RXRB: variants seen among roughly 807,000 people sequenced by gnomAD.
RXRB encodes the protein retinoid X receptor beta, also known as retinoic acid receptor RXR-beta.
Under a neutral mutation model 52.5 loss-of-function variants are expected in RXRB, and 18 were observed. The observed-to-expected ratio is 0.34, with a 90% CI of 0.24 to 0.51. The LOEUF (loss-of-function observed/expected upper bound fraction) is 0.51, where lower values mean the gene tolerates loss of function less well. Among genes scored for constraint, RXRB ranks in the 20% least tolerant of loss-of-function variants. The pLI is 0.97. For synonymous variants in RXRB, 233 were observed against 267.1 expected (o/e 0.87, Z 1.25); for missense variants, 455 against 698.2 (o/e 0.65, Z 3.92).
At position 33,194,583 on chromosome 6, in the gene RXRB, A is replaced by G; in HGVS notation, c.*99T>C. 5.4e-6 allele frequency: 7 copies of G among 1,303,244 alleles called. No homozygotes were observed. The highest frequency in any genetic ancestry group is 7.4e-6 in the Non-Finnish European group (7 of 946,508). 80.7% of individuals were successfully genotyped at this position (1,303,244 alleles called of 1,614,324 possible). A position where few individuals can be genotyped will look rare whatever the true frequency, so the allele number is the denominator to read the frequency against. ...CTGCCCTGTACTTCTCACCCCATCA[A>G]GGTTCTGGGAACATGGCCCCCCACC... On this transcript the variant is annotated 3_prime_UTR_variant, in exon 10 of 10. Transcript: ENST00000374680. The surrounding 1 kb of genome is among the most constrained non-coding windows in gnomAD (Gnocchi z 4.1).
chr6:33,198,258 T>C (rs1294649703), intron 3 of RXRB, 50 bp downstream of exon 3: 4 of 1,611,568 alleles, frequency 2.5e-6, no homozygotes, highest in Middle Eastern at 1.7e-4. Flanking sequence ...CCACAGGTGA[T>C]GATACATGGC....
At position 33,199,183 on chromosome 6, in the gene RXRB, C is replaced by T; in HGVS notation, c.469G>A (p.Val157Ile). The T allele has an allele frequency of 7.7e-7, 1 of 1,297,360 alleles. No homozygotes were observed. Among genetic ancestry groups the T allele is most frequent in the Admixed American group, 3.3e-5 (1 of 30,266 alleles). 80.4% of individuals were successfully genotyped at this position (1,297,360 alleles called of 1,614,324 possible). A position where few individuals can be genotyped will look rare whatever the true frequency, so the allele number is the denominator to read the frequency against. ...PPAPPGFSGP[V>I]SSPQINSTVS... ...CAACCTCTCACCTGGGGGCTGCTGA[C>T]AGGCCCGGAGAATCCTGGGGGAGCT... is the stretch of plus-strand genomic sequence containing the variant. Residue 157 changes from valine (V) to isoleucine (I), a missense_variant, in exon 2 of 10, where the codon GTC becomes ATC. This residue lies in a region of RXRB where 225 missense variants were observed against 258.6 expected (regional missense o/e 0.87). Coordinates refer to ENST00000374680, the MANE Select transcript of RXRB (RefSeq NM_021976.5).
chr6:33,200,164 G>T lies in RXRB; in HGVS notation c.235+78C>A. ...AGGGGGCGGGAGCGCAAGGAAAAGA[G>T]CACCGGGGGAGGGTGTGGGGGAGGG... is the stretch of plus-strand genomic sequence containing the variant. On this transcript the variant is annotated intron_variant, in intron 1 of 9. Coordinates refer to ENST00000374680, the MANE Select transcript of RXRB (RefSeq NM_021976.5). The surrounding 1 kb of genome is among the most constrained non-coding windows in gnomAD (Gnocchi z 6.3). 1 of 1,556,882 alleles carries T rather than the reference G, an allele frequency of 6.4e-7. No homozygotes were observed.
At position 33,200,119 on chromosome 6, in the gene RXRB, G is replaced by A. The variant is rs866160404; in HGVS notation, c.235+123C>T. The A allele has an allele frequency of 1.5e-6, 2 of 1,343,960 alleles. No homozygotes were observed. Among genetic ancestry groups the A allele is most frequent in the Non-Finnish European group, 2.1e-6 (2 of 950,032 alleles). The allele number at this position is 1,343,960 out of a possible 1,614,324, so 83.3% of individuals were successfully genotyped here. A position where few individuals can be genotyped will look rare whatever the true frequency, so the allele number is the denominator to read the frequency against. On this transcript the variant is annotated intron_variant, in intron 1 of 9. Coordinates refer to ENST00000374680, the MANE Select transcript of RXRB (RefSeq NM_021976.5). The surrounding 1 kb of genome is among the most constrained non-coding windows in gnomAD (Gnocchi z 6.3). ...GGGTGCTAAGGCCCTCGGGAGGGAG[G>A]GGACGCGTGTTTACAAACAAGGGGG... is the stretch of plus-strand genomic sequence containing the variant.
chr6:33,198,532 G>A (rs1774103840), intron 2 of RXRB, 68 bp from the exon 3 acceptor site: 1 of 1,442,592 alleles, frequency 6.9e-7, no homozygotes, highest in African/African-American at 1.4e-5. Context: ...AGAAGTGATG[G>A]AAATCATTCC....
At chr6:33,198,505 G>C (rs1342746058) in intron 2 of RXRB, 41 bp from the exon 3 acceptor site, 1 of 1,577,592 alleles carries the variant, frequency 6.3e-7, no homozygotes, top group East Asian at 2.2e-5. Context: ...AAGACTTATT[G>C]GGAAGCAGAA....
chr6:33,197,975 G>A lies in RXRB; in HGVS notation c.641-34C>T, dbSNP rs1360273397. On this transcript the variant is annotated intron_variant, in intron 3 of 9. Transcript: ENST00000374680. This position sits in a 1 kb window ranked among gnomAD's most constrained non-coding sequence, Gnocchi z 4.4. Reference sequence around the variant, plus strand: ...AAAGGGGAGGAGCAATAAGAAGGTTGCATGGAGACACCTTCACCATTTAGT... The same window carrying A: ...AAAGGGGAGGAGCAATAAGAAGGTTACATGGAGACACCTTCACCATTTAGT... The A allele has an allele frequency of 1.3e-6, 2 of 1,596,464 alleles. No homozygotes were observed. Among genetic ancestry groups the A allele is most frequent in the African/African-American group, 1.3e-5 (1 of 74,514 alleles).
In RXRB at chr6:33,194,925, G is replaced by A. The variant is rs945651954; in HGVS notation, c.1454+20C>T. 2.5e-6 allele frequency: 4 copies of A among 1,610,402 alleles called. No individual in the cohort carries two copies. The highest frequency in any genetic ancestry group is 2.5e-6 in the Non-Finnish European group (3 of 1,177,982). On this transcript the variant is annotated intron_variant, in intron 9 of 9. Coordinates refer to ENST00000374680, the MANE Select transcript of RXRB (RefSeq NM_021976.5). The surrounding 1 kb of genome is among the most constrained non-coding windows in gnomAD (Gnocchi z 4.1). The stretch of plus-strand genomic sequence containing the variant: ...TCCCCACCCCCAAGGGAGCCTCAGT[G>A]CCCCCCAGCCCCATCTCACCGTCCC...
Position 33,195,742 on chromosome 6 carries a change from C to T in RXRB, c.1124-40G>A. Reference sequence around the variant, plus strand: ...AAGGGTCAGGAGCCAGAAATCAGGCCAAGGGATTCAAAGCACATCAGTGGA... The same window carrying T: ...AAGGGTCAGGAGCCAGAAATCAGGCTAAGGGATTCAAAGCACATCAGTGGA... On this transcript the variant is annotated intron_variant, in intron 6 of 9. Coordinates refer to ENST00000374680, the MANE Select transcript of RXRB (RefSeq NM_021976.5). This position sits in a 1 kb window ranked among gnomAD's most constrained non-coding sequence, Gnocchi z 8.6. 6.2e-7 allele frequency: 1 copy of T among 1,607,284 alleles called. No homozygotes were observed. Among genetic ancestry groups the T allele is most frequent in the South Asian group, 1.1e-5 (1 of 90,748 alleles).
Position 33,200,039 on chromosome 6 carries a change from G to A in RXRB, c.235+203C>T. ...CGACCTCCGGTGCCCAAGGCCTCAAGCGGTCACAGCTAGGAGGGCGGAAGC... is the reference window on the plus strand; with the variant it reads ...CGACCTCCGGTGCCCAAGGCCTCAAACGGTCACAGCTAGGAGGGCGGAAGC... On this transcript the variant is annotated intron_variant, in intron 1 of 9. Coordinates refer to ENST00000374680, the MANE Select transcript of RXRB (RefSeq NM_021976.5). This position sits in a 1 kb window ranked among gnomAD's most constrained non-coding sequence, Gnocchi z 6.3. 1.2e-6 allele frequency: 1 copy of A among 833,278 alleles called. No homozygotes were observed. Among genetic ancestry groups the A allele is most frequent in the East Asian group, 2.4e-5 (1 of 41,518 alleles). 51.6% of individuals were successfully genotyped at this position (833,278 alleles called of 1,614,324 possible).
In RXRB at chr6:33,195,281, G is replaced by T; in HGVS notation, c.1348+82C>A. ...GTTGAGGGTCTTACTGAGGGGGATA[G>T]CTGGGTAACTTAGGAGTCTCGGAGA... On this transcript the variant is annotated intron_variant, in intron 8 of 9. Transcript: ENST00000374680. The surrounding 1 kb of genome is among the most constrained non-coding windows in gnomAD (Gnocchi z 8.6). 1.1e-6 allele frequency: 1 copy of T among 931,228 alleles called. No homozygotes were observed. Among genetic ancestry groups the T allele is most frequent in the Non-Finnish European group, 1.8e-6 (1 of 562,844 alleles). The allele number at this position is 931,228 out of a possible 1,614,324, so 57.7% of individuals were successfully genotyped here. A position where few individuals can be genotyped will look rare whatever the true frequency, so the allele number is the denominator to read the frequency against.
Position 33,194,355 on chromosome 6 carries a change from G to A in RXRB, c.*327C>T. The stretch of plus-strand genomic sequence containing the variant: ...GAAGCAAAATGAGGCAAGATGAGAA[G>A]GAAGCAAGGTCCTGGAGGCAAGGCC... On this transcript the variant is annotated 3_prime_UTR_variant, in exon 10 of 10. Coordinates refer to ENST00000374680, the MANE Select transcript of RXRB (RefSeq NM_021976.5). This position sits in a 1 kb window ranked among gnomAD's most constrained non-coding sequence, Gnocchi z 4.1. 1 of 282,092 alleles carries A rather than the reference G, an allele frequency of 3.5e-6. No homozygotes were observed. The highest frequency in any genetic ancestry group is 9.9e-5 in the South Asian group (1 of 10,112). The allele number at this position is 282,092 out of a possible 1,614,324, so 17.5% of individuals were successfully genotyped here.
In RXRB at chr6:33,194,795, G is replaced by C. The variant is rs754055760; in HGVS notation, c.1489C>G (p.Arg497Gly). 1 of 1,613,034 alleles carries C rather than the reference G, an allele frequency of 6.2e-7. No homozygotes were observed. The highest frequency in any genetic ancestry group is 1.1e-5 in the South Asian group (1 of 91,086). Residue 497 changes from arginine to glycine, a missense_variant, in exon 10 of 10, where the codon CGG becomes GGG. By Grantham distance (125) the Arg-to-Gly change is moderately radical. Around this residue, in one of 4 missense-constraint regions of RXRB, gnomAD observed 115 missense variants for 253.1 expected, o/e 0.45. Transcript: ENST00000374680. The surrounding 1 kb of genome is among the most constrained non-coding windows in gnomAD (Gnocchi z 4.1). ...TCTAGACACTTAAGGCCAATGGACC[G>C]GAGGGCAGGAAGACGTAGCAGCAGC... Reference protein sequence around the residue: ...AKLLLRLPALRSIGLKCLEHL... With the variant: ...AKLLLRLPALGSIGLKCLEHL...
In RXRB at chr6:33,197,910, A is replaced by G. The variant is rs140474583; in HGVS notation, c.672T>C (p.Gly224=). 2.9e-5 allele frequency: 47 copies of G among 1,613,398 alleles called. No individual in the cohort carries two copies. In the African/African-American group the frequency reaches 4.0e-4, roughly 14 times the overall value. The change falls in exon 4 of 10, where the codon GGT becomes GGC. Residue 224 remains glycine (G), a synonymous_variant. Transcript: ENST00000374680. This position sits in a 1 kb window ranked among gnomAD's most constrained non-coding sequence, Gnocchi z 4.4. ...TGGTGCGTTTGAAGAAGCCCTTGCAACCCTCACAGCTGTAAACCCCGTAGT... is the reference window on the plus strand; with the variant it reads ...TGGTGCGTTTGAAGAAGCCCTTGCAGCCCTCACAGCTGTAAACCCCGTAGT... ...GKHYGVYSCE[G]CKGFFKRTIR...
rs2744518 is a variant in RXRB at position 33,200,064 on chromosome 6, C to T, written c.235+178G>A. On this transcript the variant is annotated intron_variant, in intron 1 of 9. Coordinates refer to ENST00000374680, the MANE Select transcript of RXRB (RefSeq NM_021976.5). This position sits in a 1 kb window ranked among gnomAD's most constrained non-coding sequence, Gnocchi z 6.3. ...GCGGTCACAGCTAGGAGGGCGGAAG[C>T]TCCCCTTCCCCGCCCCGCCCCGGGG... 2 of 964,236 alleles carry T rather than the reference C, an allele frequency of 2.1e-6. No homozygotes were observed. The highest frequency in any genetic ancestry group is 3.3e-6 in the Non-Finnish European group (2 of 600,672). The allele number at this position is 964,236 out of a possible 1,614,324, so 59.7% of individuals were successfully genotyped here. A position where few individuals can be genotyped will look rare whatever the true frequency, so the allele number is the denominator to read the frequency against.
Position 33,200,109 on chromosome 6 carries a change from C to A in RXRB, c.235+133G>T. On this transcript the variant is annotated intron_variant, in intron 1 of 9. Coordinates refer to ENST00000374680, the MANE Select transcript of RXRB (RefSeq NM_021976.5). The surrounding 1 kb of genome is among the most constrained non-coding windows in gnomAD (Gnocchi z 6.3). ...CCGGGGGGGAGGGTGCTAAGGCCCT[C>A]GGGAGGGAGGGGACGCGTGTTTACA... 6.2e-6 allele frequency: 8 copies of A among 1,292,646 alleles called. No individual in the cohort carries two copies. The highest frequency in any genetic ancestry group is 8.9e-6 in the Non-Finnish European group (8 of 902,444). 80.1% of individuals were successfully genotyped at this position (1,292,646 alleles called of 1,614,324 possible).
In RXRB at chr6:33,195,320, A is replaced by G; in HGVS notation, c.1348+43T>C. 1 of 1,267,290 alleles carries G rather than the reference A, an allele frequency of 7.9e-7. No individual in the cohort carries two copies. Among genetic ancestry groups the G allele is most frequent in the South Asian group, 1.2e-5 (1 of 84,188 alleles). The allele number at this position is 1,267,290 out of a possible 1,614,324, so 78.5% of individuals were successfully genotyped here. ...GAGTCTCGGAGAAGAGGAGGCTCCA[A>G]GGTTGCCTTGGCCTTGAGAGACAAA... On this transcript the variant is annotated intron_variant, in intron 8 of 9. Transcript: ENST00000374680. The surrounding 1 kb of genome is among the most constrained non-coding windows in gnomAD (Gnocchi z 8.6).
In RXRB at chr6:33,196,690, A is replaced by G. The variant is rs1326426641; in HGVS notation, c.821-84T>C. On this transcript the variant is annotated intron_variant, in intron 4 of 9. Coordinates refer to ENST00000374680, the MANE Select transcript of RXRB (RefSeq NM_021976.5). This position sits in a 1 kb window ranked among gnomAD's most constrained non-coding sequence, Gnocchi z 4.0. ...CCACAAATATCCTTACGGCCTCATC[A>G]GGATCTCATGGCCCTTGGGAGATAT... 1.7e-6 allele frequency: 2 copies of G among 1,209,276 alleles called. No homozygotes were observed. The highest frequency in any genetic ancestry group is 3.0e-5 in the African/African-American group (2 of 65,772). 74.9% of individuals were successfully genotyped at this position (1,209,276 alleles called of 1,614,324 possible). A position where few individuals can be genotyped will look rare whatever the true frequency, so the allele number is the denominator to read the frequency against.
Position 33,198,664 on chromosome 6 carries a change from G to T in RXRB, c.484-200C>A, listed in dbSNP as rs1774116134. 4 of 700,404 alleles carry T rather than the reference G, an allele frequency of 5.7e-6. No individual in the cohort carries two copies. The East Asian group carries it at 1.1e-4, about 19-fold the overall frequency. 43.4% of individuals were successfully genotyped at this position (700,404 alleles called of 1,614,324 possible). ...GAATAAACAGGCCCCCCCTGAAATTGTGCAACACAGTGACCCTGAAGGGCA... is the reference window on the plus strand; with the variant it reads ...GAATAAACAGGCCCCCCCTGAAATTTTGCAACACAGTGACCCTGAAGGGCA... On this transcript the variant is annotated intron_variant, in intron 2 of 9. Transcript: ENST00000374680.
Sources: allele counts gnomAD v4.1 joint callset, GRCh38; gene constraint gnomAD v4.1.1; regional missense constraint gnomAD v4.1.1; non-coding constraint Gnocchi (gnomAD v3.1); transcripts MANE v1.5; gene names NCBI Gene and HGNC (gene_info 2026-07-23, HGNC 2026-07-21).